NBEA: variants seen among roughly 807,000 people sequenced by gnomAD.
NBEA encodes lysosomal-trafficking regulator 2.
A neutral mutation model predicts 343.4 loss-of-function variants in NBEA; 44 were observed. That is an observed-to-expected ratio of 0.13 (90% CI 0.10 to 0.16). The LOEUF (loss-of-function observed/expected upper bound fraction) is 0.16. NBEA is among the 10% of genes least tolerant of loss of function. NBEA has a pLI of 1.00. For missense variants in NBEA, 2,555 were observed against 3,631.3 expected (o/e 0.70, Z 7.62); for synonymous variants, 1,175 against 1,238.7 (o/e 0.95, Z 1.08).
At chr13:35,267,364 A>G (rs2033766975) in intron 34 of NBEA, among the ~76,000 whole-genome samples, 1 of 152,042 alleles carries the variant, frequency 6.6e-6, no homozygotes, top group African/African-American at 2.4e-5. Flanking sequence ...AATGATATTT[A>G]CAAAATATAC....
intron 34 of NBEA, among the ~76,000 whole-genome samples, chr13:35,261,572 A>G (rs764934858): frequency 1.2e-4 from 18 of 152,060 alleles, no homozygotes; most frequent in Non-Finnish European, 2.5e-4. Flanking sequence ...TGTAAAAAAG[A>G]AAGAAATGGA....
intron 41 of NBEA, among the ~76,000 whole-genome samples, chr13:35,508,476 G>GT (rs2077155581): frequency 6.6e-6 from 1 of 152,182 alleles, no homozygotes; most frequent in African/African-American, 2.4e-5. Flanking sequence ...ACAATGCTGA[G>GT]TTTTAATGGC....
At chr13:35,559,649 C>T (rs1282605670) in intron 44 of NBEA, among the ~76,000 whole-genome samples, 1 of 152,164 alleles carries the variant, frequency 6.6e-6, no homozygotes, top group Non-Finnish European at 1.5e-5. Flanking sequence ...GGCGCAGTGG[C>T]TCACGCCTGT....
intron 40 of NBEA, among the ~76,000 whole-genome samples, chr13:35,460,701 G>A (rs190656189): frequency 5.8e-4 from 88 of 152,202 alleles, no homozygotes; most frequent in Middle Eastern, 3.4e-3. Flanking sequence ...CAACATCCTT[G>A]ATAACCAAAC....
intron 28 of NBEA, among the ~76,000 whole-genome samples, chr13:35,181,699 T>G (rs2152730420): frequency 6.6e-6 from 1 of 151,904 alleles, no homozygotes; most frequent in Non-Finnish European, 1.5e-5. Flanking sequence ...TTTTGTTGCA[T>G]TTGCTTTTGG....
chr13:35,222,637 A>C (rs1353591064), intron 33 of NBEA, among the ~76,000 whole-genome samples: 1 of 152,122 alleles, frequency 6.6e-6, no homozygotes, highest in Non-Finnish European at 1.5e-5. Context: ...AATGCTTAAA[A>C]TAAAAGACAA....
At chr13:35,350,724 A>G (rs1054773587) in intron 37 of NBEA, among the ~76,000 whole-genome samples, 24 of 136,490 alleles carry the variant, frequency 1.8e-4, no homozygotes, top group African/African-American at 6.7e-4. Flanking sequence ...GGTTAGAGCT[A>G]TTGATGTGTG....
chr13:34,953,014 A>G (rs1227618955), intron 1 of NBEA, among the ~76,000 whole-genome samples: 1 of 152,120 alleles, frequency 6.6e-6, no homozygotes, highest in Non-Finnish European at 1.5e-5. Context: ...TGGATCTTCC[A>G]TTTCCAAGTT....
At chr13:35,510,382 A>G (rs2077231840) in intron 41 of NBEA, among the ~76,000 whole-genome samples, 2 of 152,236 alleles carry the variant, frequency 1.3e-5, no homozygotes, top group Non-Finnish European at 2.9e-5. Flanking sequence ...TGAAAATAAT[A>G]TTAAATACCT....
At chr13:34,967,039 C>G (rs1025126451) in intron 1 of NBEA, among the ~76,000 whole-genome samples, 1 of 150,768 alleles carries the variant, frequency 6.6e-6, no homozygotes, top group Non-Finnish European at 1.5e-5. Flanking sequence ...TCTATCTCCT[C>G]ATTGGCTGGC....
intron 36 of NBEA, among the ~76,000 whole-genome samples, chr13:35,346,268 G>T (rs2152860717): frequency 6.6e-6 from 1 of 152,136 alleles, no homozygotes; most frequent in African/African-American, 2.4e-5. Context: ...GCACTAATTT[G>T]CACATATTAG....
rs144919244 is a variant in NBEA, at chr13:35,181,582, G to A, written c.4663-778G>A. On this transcript the variant is annotated intron_variant, in intron 28 of 58. Transcript: ENST00000379939. ...TAGTTCTTTGTCGGATGAATAGATTGTGAAGAATTTCTCCCACTCTGTGAG... is the reference window on the plus strand; with the variant it reads ...TAGTTCTTTGTCGGATGAATAGATTATGAAGAATTTCTCCCACTCTGTGAG... Among the ~76,000 whole-genome samples the A allele has an allele frequency of 4.2e-3, 640 of 151,192 alleles. 6 individuals are homozygous for A. Among genetic ancestry groups the A allele is most frequent in the African/African-American group, 0.015 (612 of 41,262 alleles).
At chr13:35,058,063 G>A (rs935562984) in intron 7 of NBEA, among the ~76,000 whole-genome samples, 2 of 152,136 alleles carry the variant, frequency 1.3e-5, no homozygotes, top group African/African-American at 2.4e-5. Context: ...GGTGGGCGGG[G>A]TGTAAGAAGT....
intron 50 of NBEA, 121 bp from the exon 51 acceptor site, chr13:35,646,138 C>T (rs1473159912): frequency 7.6e-6 from 6 of 786,106 alleles, no homozygotes; most frequent in Non-Finnish European, 1.0e-5. Context: ...AAAGAGCACC[C>T]GTTGAATTTT....
At chr13:35,359,001 G>A (rs776904449) in intron 38 of NBEA, among the ~76,000 whole-genome samples, 1 of 152,164 alleles carries the variant, frequency 6.6e-6, no homozygotes, top group Non-Finnish European at 1.5e-5. Context: ...AGTGAATATT[G>A]GGAGTAGTGG....
At chr13:35,642,594 A>G (rs2084015718) in intron 49 of NBEA, among the ~76,000 whole-genome samples, 1 of 152,206 alleles carries the variant, frequency 6.6e-6, no homozygotes, top group Non-Finnish European at 1.5e-5. Context: ...AAAGCATATA[A>G]GAACCAGACA....
chr13:35,051,052 G>A (rs1692509567), intron 6 of NBEA, among the ~76,000 whole-genome samples: 1 of 151,948 alleles, frequency 6.6e-6, no homozygotes, highest in Non-Finnish European at 1.5e-5. Flanking sequence ...TCATAATCAG[G>A]TGGCATTTTC....
At chr13:34,985,462 T>G (rs1449278834) in intron 1 of NBEA, among the ~76,000 whole-genome samples, 1 of 151,098 alleles carries the variant, frequency 6.6e-6, no homozygotes, top group Non-Finnish European at 1.5e-5. Context: ...TGAGGATTTT[T>G]GCATCGATGT....
chr13:35,467,310 A>G (rs960229751), intron 40 of NBEA, among the ~76,000 whole-genome samples: 1 of 152,046 alleles, frequency 6.6e-6, no homozygotes, highest in Non-Finnish European at 1.5e-5. Flanking sequence ...CATCTCTACT[A>G]AAAATACAAA....
Sources: allele counts gnomAD v4.1 joint callset (sites outside exome capture counted in the v4.1 genomes callset), GRCh38; gene constraint gnomAD v4.1.1; transcripts MANE v1.5; gene names NCBI Gene and HGNC (gene_info 2026-07-23, HGNC 2026-07-21).